The following TMEM244 variants were observed in gnomAD, a reference collection of about 807,000 sequenced individuals.
The protein encoded by TMEM244 is putative transmembrane protein 244.
Under a neutral mutation model 15.8 loss-of-function variants are expected in TMEM244, and 13 were observed. The observed-to-expected ratio is 0.82, with a 90% CI of 0.53 to 1.30. The LOEUF is 1.30. TMEM244 is among the 50% of genes most tolerant of loss of function. TMEM244 has a pLI of 0.00. For synonymous variants in TMEM244, 45 were observed against 48.7 expected (o/e 0.92, Z 0.32); for missense variants, 161 against 144.9 (o/e 1.11, Z -0.57).
chr6:129,859,532 A>C (rs1776770876), intron 1 of TMEM244, among the ~76,000 whole-genome samples: 1 of 152,242 alleles, frequency 6.6e-6, no homozygotes, highest in African/African-American at 2.4e-5. Flanking sequence ...TTTTTACAAC[A>C]TTTGTTTTAC....
intron 1 of TMEM244, among the ~76,000 whole-genome samples, chr6:129,856,759 T>G (rs1317564473): frequency 6.6e-6 from 1 of 152,086 alleles, no homozygotes; most frequent in Non-Finnish European, 1.5e-5. Context: ...CTTCAAAATC[T>G]ACTTGACTAG....
At chr6:129,854,823 T>C (rs1273867560) in intron 1 of TMEM244, among the ~76,000 whole-genome samples, 4 of 152,184 alleles carry the variant, frequency 2.6e-5, no homozygotes, top group Admixed American at 6.5e-5. Context: ...GCATCCATAA[T>C]TGCTAAAAGT....
intron 2 of TMEM244, among the ~76,000 whole-genome samples, chr6:129,843,846 T>C (rs1776525140): frequency 6.6e-6 from 1 of 152,196 alleles, no homozygotes; most frequent in African/African-American, 2.4e-5. Context: ...TGGTAACAGT[T>C]ACAGCAAAAT....
At chr6:129,838,440 G>A (rs886354861) in intron 3 of TMEM244, among the ~76,000 whole-genome samples, 1 of 152,154 alleles carries the variant, frequency 6.6e-6, no homozygotes, top group African/African-American at 2.4e-5. Flanking sequence ...AAAGCAGTAT[G>A]TAGAGGGAAA....
intron 1 of TMEM244, among the ~76,000 whole-genome samples, chr6:129,846,599 G>A (rs1776563882): frequency 6.6e-6 from 1 of 152,036 alleles, no homozygotes; most frequent in South Asian, 2.1e-4. Flanking sequence ...CTTCCTAAAT[G>A]CCAATATTTG....
chr6:129,857,653 C>T (rs940767894), intron 1 of TMEM244, among the ~76,000 whole-genome samples: 3 of 152,086 alleles, frequency 2.0e-5, no homozygotes, highest in Non-Finnish European at 4.4e-5. Flanking sequence ...AGACACTGCA[C>T]CCAACCCTAA....
chr6:129,849,859 T>A (rs1314154413), intron 1 of TMEM244, among the ~76,000 whole-genome samples: 1 of 152,042 alleles, frequency 6.6e-6, no homozygotes, highest in Non-Finnish European at 1.5e-5. Context: ...CAGCAGAGAA[T>A]GGGTGGGTTA....
chr6:129,855,498 T>G (rs1011362246), intron 1 of TMEM244, among the ~76,000 whole-genome samples: 1 of 152,164 alleles, frequency 6.6e-6, no homozygotes, highest in African/African-American at 2.4e-5. Context: ...AATTCAAAAC[T>G]ATTACTACAC....
At chr6:129,852,452 T>C (rs962259611) in intron 1 of TMEM244, among the ~76,000 whole-genome samples, 1 of 152,118 alleles carries the variant, frequency 6.6e-6, no homozygotes, top group Non-Finnish European at 1.5e-5. Context: ...ATCTTTATCA[T>C]TGGAGCACAG....
chr6:129,850,630 T>C (rs1308063883), intron 1 of TMEM244, among the ~76,000 whole-genome samples: 1 of 152,230 alleles, frequency 6.6e-6, no homozygotes, highest in Admixed American at 6.5e-5. Flanking sequence ...GCCACATATG[T>C]AATTTAAAAT....
chr6:129,846,953 AT>A (rs1275443684), intron 1 of TMEM244, among the ~76,000 whole-genome samples: 3 of 152,208 alleles, frequency 2.0e-5, no homozygotes, highest in Non-Finnish European at 2.9e-5. Flanking sequence ...AAACAAAAAA[AT>A]CCCATTAGAT....
intron 2 of TMEM244, 95 bp from the exon 3 acceptor site, chr6:129,843,698 A>C: frequency 1.1e-6 from 1 of 879,918 alleles, no homozygotes. Flanking sequence ...ATACAAGGAT[A>C]AGCTATGCGA....
chr6:129,859,740 A>G (rs555689721), intron 1 of TMEM244, among the ~76,000 whole-genome samples: 1 of 152,314 alleles, frequency 6.6e-6, no homozygotes, highest in South Asian at 2.1e-4. Flanking sequence ...TCTGTCATTT[A>G]AAGTGTACAG....
At position 129,833,619 on chromosome 6, in the gene TMEM244, A is replaced by G. The variant is rs1489362906; in HGVS notation, c.194-34T>C. ...ACAAGGAAGAATATAATTATTGAGG[A>G]CTAGAGCAATGAACATTCTGAAATA... On this transcript the variant is annotated intron_variant, in intron 3 of 4. Transcript: ENST00000368143. The G allele has an allele frequency of 4.4e-6, 7 of 1,595,040 alleles. No individual in the cohort carries two copies. The Admixed American group carries it at 1.2e-4, about 28-fold the overall frequency.
At chr6:129,847,489 G>C (rs1776576266) in intron 1 of TMEM244, among the ~76,000 whole-genome samples, 1 of 152,124 alleles carries the variant, frequency 6.6e-6, no homozygotes, top group Admixed American at 6.5e-5. Context: ...CAACGAATTG[G>C]CTGAATGGAC....
chr6:129,860,145 G>C (rs112169523), intron 1 of TMEM244, among the ~76,000 whole-genome samples: 11,189 of 128,886 alleles, frequency 0.087, 534 homozygotes, highest in Admixed American at 0.17. Flanking sequence ...GTGTGTGTGT[G>C]TGTCTGTCTG....
At chr6:129,837,400 G>A (rs111386224) in intron 3 of TMEM244, among the ~76,000 whole-genome samples, 11,346 of 152,246 alleles carry the variant, frequency 0.075, 654 homozygotes, top group South Asian at 0.21. Flanking sequence ...CACCAGGCCT[G>A]CCTTACAAGA....
chr6:129,837,685 A>G (rs1460747433), intron 3 of TMEM244, among the ~76,000 whole-genome samples: 1 of 152,218 alleles, frequency 6.6e-6, no homozygotes, highest in East Asian at 1.9e-4. Context: ...GACCCATCTC[A>G]TGTGCAAAGA....
intron 3 of TMEM244, among the ~76,000 whole-genome samples, chr6:129,835,532 G>A (rs954169579): frequency 6.6e-6 from 1 of 152,138 alleles, no homozygotes; most frequent in Non-Finnish European, 1.5e-5. Context: ...AAGGTACCTG[G>A]TTCATCTCAT....
Sources: gnomAD v4.1 joint callset for allele counts (sites outside exome capture counted in the v4.1 genomes callset) on GRCh38, gnomAD v4.1.1 for gene constraint, MANE v1.5 for transcripts, NCBI Gene and HGNC (gene_info 2026-07-23, HGNC 2026-07-21) for gene names.